MAP4K4: variants seen among roughly 807,000 people sequenced by gnomAD.
The protein encoded by MAP4K4 is HPK/GCK-like kinase HGK.
MAP4K4 carries 38 observed loss-of-function variants against 189.6 expected under a neutral mutation model. The ratio of observed to expected loss-of-function variants is 0.20; its 90% CI spans 0.15 to 0.26. The LOEUF (loss-of-function observed/expected upper bound fraction) is 0.26, where lower values mean the gene tolerates loss of function less well. Among genes scored for constraint, MAP4K4 ranks in the 10% least tolerant of loss-of-function variants. MAP4K4 has a pLI of 1.00. For missense variants in MAP4K4, 1,054 were observed against 1,726.9 expected (o/e 0.61, Z 6.91); for synonymous variants, 610 against 624.3 (o/e 0.98, Z 0.34).
chr2:101,854,474 C>T (rs1245678457), intron 12 of MAP4K4, among the ~76,000 whole-genome samples: 7 of 152,068 alleles, frequency 4.6e-5, no homozygotes, highest in Admixed American at 6.6e-5. Context: ...ATGAGAGAGG[C>T]GGAACCAAAA....
intron 2 of MAP4K4, among the ~76,000 whole-genome samples, chr2:101,703,044 C>T (rs1290813998): frequency 1.3e-5 from 2 of 152,098 alleles, no homozygotes; most frequent in Non-Finnish European, 2.9e-5. Flanking sequence ...TGAGGAGAGA[C>T]ATCTTCTTTA....
At chr2:101,714,370 G>C (rs1186113168) in intron 2 of MAP4K4, among the ~76,000 whole-genome samples, 1 of 152,088 alleles carries the variant, frequency 6.6e-6, no homozygotes, top group South Asian at 2.1e-4. Context: ...AATTAACTTT[G>C]AGAAAGTTAT....
chr2:101,772,620 G>A (rs2082018971), intron 2 of MAP4K4, among the ~76,000 whole-genome samples: 2 of 152,222 alleles, frequency 1.3e-5, no homozygotes, highest in Admixed American at 6.5e-5. Flanking sequence ...GAATAGTAGT[G>A]TGCTTCACTT....
At chr2:101,791,182 T>C (rs1279257437) in intron 3 of MAP4K4, among the ~76,000 whole-genome samples, 2 of 152,198 alleles carry the variant, frequency 1.3e-5, no homozygotes, top group Non-Finnish European at 2.9e-5. Context: ...GCCATTTCTT[T>C]TATTTTTAAC....
At chr2:101,801,562 A>G (rs942187218) in intron 3 of MAP4K4, among the ~76,000 whole-genome samples, 5 of 152,340 alleles carry the variant, frequency 3.3e-5, no homozygotes, top group South Asian at 4.1e-4. Flanking sequence ...TCAGACTTCC[A>G]AAAGGAAAAC....
At chr2:101,859,741 C>T (rs2097579989) in exon 15 of MAP4K4, 1 of 1,611,876 alleles carries the variant, frequency 6.2e-7, no homozygotes, top group East Asian at 2.2e-5. Flanking sequence ...TACAGCATGA[C>T]CATAGGAGGC....
chr2:101,866,389 A>G (rs1445815181), intron 18 of MAP4K4, 39 bp from the exon 19 acceptor site: 1 of 1,584,672 alleles, frequency 6.3e-7, no homozygotes. Flanking sequence ...GCATCTAGAG[A>G]TGACACATTA....
intron 2 of MAP4K4, among the ~76,000 whole-genome samples, chr2:101,788,035 C>G (rs183096095): frequency 3.3e-5 from 5 of 151,666 alleles, no homozygotes; most frequent in African/African-American, 1.2e-4. Flanking sequence ...AACTCCTGAC[C>G]ACAGGTGATC....
chr2:101,793,892 A>T (rs1200126483), intron 3 of MAP4K4, among the ~76,000 whole-genome samples: 2 of 152,188 alleles, frequency 1.3e-5, no homozygotes, highest in Non-Finnish European at 2.9e-5. Context: ...TGGAAAACAA[A>T]ACCAGCTGAG....
intron 2 of MAP4K4, among the ~76,000 whole-genome samples, chr2:101,737,475 T>A (rs1438917910): frequency 1.5e-5 from 2 of 129,806 alleles, no homozygotes; most frequent in African/African-American, 5.8e-5. Context: ...TTTTTTTTTT[T>A]TTTTTTTTTT....
chr2:101,882,832 T>A, intron 28 of MAP4K4, 147 bp downstream of exon 28: 1 of 833,246 alleles, frequency 1.2e-6, no homozygotes, highest in Non-Finnish European at 1.8e-6. Flanking sequence ...TCTTTCTGTT[T>A]CCAAGGCACA....
chr2:101,857,381 A>G (rs2097505990), intron 13 of MAP4K4, among the ~76,000 whole-genome samples: 3 of 150,710 alleles, frequency 2.0e-5, no homozygotes, highest in Non-Finnish European at 3.0e-5. Flanking sequence ...CGTGTTGTGT[A>G]TTGTTTGTTC....
chr2:101,749,223 C>G (rs2067255272), intron 2 of MAP4K4, among the ~76,000 whole-genome samples: 1 of 151,756 alleles, frequency 6.6e-6, no homozygotes, highest in Non-Finnish European at 1.5e-5. Flanking sequence ...GCCAAAAGAA[C>G]AAAGCTGGAG....
chr2:101,806,502 AG>A (rs2094947523), intron 3 of MAP4K4, among the ~76,000 whole-genome samples: 2 of 151,000 alleles, frequency 1.3e-5, no homozygotes, highest in Admixed American at 6.6e-5. Context: ...CAGCCTCCCT[AG>A]GAGCTGGGAC....
intron 2 of MAP4K4, among the ~76,000 whole-genome samples, chr2:101,758,682 A>G (rs927474112): frequency 2.0e-5 from 3 of 152,148 alleles, no homozygotes; most frequent in African/African-American, 7.2e-5. Flanking sequence ...CTTTCCTTTT[A>G]GGAGGAACTA....
At chr2:101,836,751 T>C (rs911569457) in intron 9 of MAP4K4, among the ~76,000 whole-genome samples, 8 of 152,220 alleles carry the variant, frequency 5.3e-5, no homozygotes, top group African/African-American at 1.7e-4. Context: ...CAGAATGGTT[T>C]TATATTCTTA....
chr2:101,757,445 A>C (rs986622976), intron 2 of MAP4K4, among the ~76,000 whole-genome samples: 10 of 152,240 alleles, frequency 6.6e-5, no homozygotes, highest in Admixed American at 6.5e-4. Flanking sequence ...TCTGTAGCTC[A>C]CAAATGGTAG....
At chr2:101,762,310 C>T (rs1053400428) in intron 2 of MAP4K4, among the ~76,000 whole-genome samples, 1 of 152,136 alleles carries the variant, frequency 6.6e-6, no homozygotes, top group African/African-American at 2.4e-5. Context: ...CTTAATCGAC[C>T]CTTAATCTTC....
chr2:101,853,210 A>G (rs576661717), intron 12 of MAP4K4, among the ~76,000 whole-genome samples: 12 of 152,344 alleles, frequency 7.9e-5, no homozygotes, highest in African/African-American at 2.9e-4. Flanking sequence ...TTAAATGTAA[A>G]TGGACAGCCA....
Sources: gnomAD v4.1 joint callset for allele counts (sites outside exome capture counted in the v4.1 genomes callset) on GRCh38, gnomAD v4.1.1 for gene constraint, MANE v1.5 for transcripts, NCBI Gene and HGNC (gene_info 2026-07-23, HGNC 2026-07-21) for gene names.